OR2T33: variants seen among roughly 807,000 people sequenced by gnomAD.
The protein encoded by OR2T33 is olfactory receptor 2T33.
OR2T33 carries 10 observed loss-of-function variants against 14.0 expected under a neutral mutation model. That is an observed-to-expected ratio of 0.72 (90% CI 0.44 to 1.22). The LOEUF is 1.22. Among genes scored for constraint, OR2T33 ranks in the 50% most tolerant of loss-of-function variants. OR2T33 has a pLI of 0.00. For synonymous variants in OR2T33, 103 were observed against 159.4 expected (o/e 0.65, Z 2.66); for missense variants, 276 against 405.9 (o/e 0.68, Z 2.75).
chr1:248,273,371 G>A lies in OR2T33; in HGVS notation c.444C>T (p.Leu148=), dbSNP rs150467351. ...GCAGGAGCCCGTCAGCTGCACCCAG[G>A]AGCCAACACGACATGGTCATCCTCA... ...LCLRMTMSCW[L]LGAADGLLQA... The change falls in exon 2 of 2, where the codon CTC becomes CTT. Residue 148 remains leucine (L), a synonymous_variant. Transcript: ENST00000641220. The A allele has an allele frequency of 8.3e-5, 134 of 1,611,994 alleles. No individual in the cohort carries two copies. The highest frequency in any genetic ancestry group is 1.0e-4 in the Non-Finnish European group (123 of 1,179,822).
intron 1 of OR2T33, among the ~76,000 whole-genome samples, chr1:248,275,550 T>C (rs555819625): frequency 2.0e-5 from 3 of 152,342 alleles, no homozygotes; most frequent in Non-Finnish European, 4.4e-5. Flanking sequence ...CTTTTATTAA[T>C]GCAGAATGCA....
rs780788245 is a variant in OR2T33 at position 248,273,526 on chromosome 1, C to A, written c.289G>T (p.Val97Leu). ...SKAISRAGCG[V>L]QIFFLPTLGG... The stretch of plus-strand genomic sequence containing the variant: ...AGTGTGGGGAGGAAGAAGATCTGCA[C>A]ACCACAGCCAGCGCGGGAGATGGCC... Residue 97 changes from valine to leucine, a missense_variant, in exon 2 of 2, where the codon GTG (valine) becomes TTG (leucine). Val to Leu is a conservative substitution (Grantham distance 32). Transcript: ENST00000641220. The A allele has an allele frequency of 1.4e-5, 22 of 1,612,814 alleles. No individual in the cohort carries two copies. In the Admixed American group the frequency reaches 3.5e-4, roughly 26 times the overall value.
At chr1:248,273,862 G>T in intron 1 of OR2T33, 40 bp from the exon 2 acceptor site, 1 of 1,570,494 alleles carries the variant, frequency 6.4e-7, no homozygotes. Flanking sequence ...AGAAGGAAGA[G>T]GCTTTTATGG....
rs543795312 is a variant in OR2T33 at position 248,274,143 on chromosome 1, T to G, written c.-8-321A>C. Among the ~76,000 whole-genome samples the G allele has an allele frequency of 3.3e-5, 5 of 152,342 alleles. No individual in the cohort carries two copies. In the East Asian group the frequency reaches 9.6e-4, roughly 29 times the overall value. On this transcript the variant is annotated intron_variant, in intron 1 of 1. Coordinates refer to ENST00000641220, the MANE Select transcript of OR2T33 (RefSeq NM_001004695.2). ...TTTATATTACTCGTATTAATATTAT[T>G]GTGTTTTTGTTATGTATACTGATGG...
At chr1:248,276,599 C>T (rs1185722141) in intron 1 of OR2T33, among the ~76,000 whole-genome samples, 2 of 152,092 alleles carry the variant, frequency 1.3e-5, no homozygotes, top group Non-Finnish European at 2.9e-5. Flanking sequence ...ATTGAATTCT[C>T]TTCTCTACAG....
At chr1:248,274,667 G>C (rs1301151970) in intron 1 of OR2T33, among the ~76,000 whole-genome samples, 1 of 152,174 alleles carries the variant, frequency 6.6e-6, no homozygotes. Flanking sequence ...ATAAATGCTG[G>C]GGGAGAGTAG....
rs1390972847 is a variant in OR2T33 at position 248,272,732 on chromosome 1, A to T, written c.*120T>A. The T allele has an allele frequency of 1.5e-6, 2 of 1,314,564 alleles. No homozygotes were observed. The highest frequency in any genetic ancestry group is 4.7e-5 in the East Asian group (2 of 42,904). The allele number at this position is 1,314,564 out of a possible 1,614,324, so 81.4% of individuals were successfully genotyped here. ...TACAATTAGCTCACTTAATTCTTAA[A>T]AATATCCTATTATATCAATGCAAAA... On this transcript the variant is annotated 3_prime_UTR_variant, in exon 2 of 2. Coordinates refer to ENST00000641220, the MANE Select transcript of OR2T33 (RefSeq NM_001004695.2).
In OR2T33 at chr1:248,272,598, T is replaced by A. The variant is rs1312312122; in HGVS notation, c.*254A>T. 4.8e-6 allele frequency: 2 copies of A among 416,486 alleles called. No homozygotes were observed. Among genetic ancestry groups the A allele is most frequent in the East Asian group, 4.0e-5 (1 of 24,892 alleles). The allele number at this position is 416,486 out of a possible 1,614,324, so 25.8% of individuals were successfully genotyped here. On this transcript the variant is annotated 3_prime_UTR_variant, in exon 2 of 2. Transcript: ENST00000641220. The stretch of plus-strand genomic sequence containing the variant: ...ATTTCTTTTTTTAGAAAGTAGGAGA[T>A]ATTGTCAACAGTACTTATATCATGG...
In OR2T33 at chr1:248,273,692, G is replaced by C. The variant is rs761419325; in HGVS notation, c.123C>G (p.Ser41=). The C allele has an allele frequency of 6.2e-7, 1 of 1,613,838 alleles. No individual in the cohort carries two copies. The highest frequency in any genetic ancestry group is 1.7e-5 in the Admixed American group (1 of 60,000). Residue 41 remains serine, a synonymous_variant, in exon 2 of 2, where the codon TCC becomes TCG. Transcript: ENST00000641220. ...CCCAGTGAATCAGGAGAATCATGAGGGAATTGCCAAACAGGGAGGTCAAAA... is the reference window on the plus strand; with the variant it reads ...CCCAGTGAATCAGGAGAATCATGAGCGAATTGCCAAACAGGGAGGTCAAAA... The part of the protein sequence containing the change: ...SIVLTSLFGN[S]LMILLIHWDH...
At chr1:248,273,943 A>G (rs1659420723) in intron 1 of OR2T33, 121 bp from the exon 2 acceptor site, 1 of 1,292,038 alleles carries the variant, frequency 7.7e-7, no homozygotes, top group Non-Finnish European at 1.0e-6. Flanking sequence ...TAGTGATTCA[A>G]AGCCCTAACT....
Position 248,273,364 on chromosome 1 carries a change from C to T in OR2T33, c.451G>A (p.Ala151Thr), listed in dbSNP as rs754408140. 16 of 1,612,032 alleles carry T rather than the reference C, an allele frequency of 9.9e-6. No homozygotes were observed. In the African/African-American group the frequency reaches 1.6e-4, roughly 16 times the overall value. ...ACAGCCTGCAGGAGCCCGTCAGCTG[C>T]ACCCAGGAGCCAACACGACATGGTC... is the stretch of plus-strand genomic sequence containing the variant. ...RMTMSCWLLG[A>T]ADGLLQAVVT... The change falls in exon 2 of 2, where the codon GCA (alanine) becomes ACA (threonine). Residue 151 changes from alanine (A) to threonine (T), a missense_variant. Physicochemically the swap from Ala to Thr is moderately conservative, Grantham distance 58 (BLOSUM62 0). Transcript: ENST00000641220.
At chr1:248,276,161 A>C (rs558768796) in intron 1 of OR2T33, among the ~76,000 whole-genome samples, 1 of 152,224 alleles carries the variant, frequency 6.6e-6, no homozygotes, top group African/African-American at 2.4e-5. Flanking sequence ...TCACACTCTT[A>C]TGAGAACCTA....
At position 248,272,985 on chromosome 1, in the gene OR2T33, G is replaced by C. The variant is rs113045980; in HGVS notation, c.830C>G (p.Thr277Ser). The part of the protein sequence containing the change: ...NHDKVVSAFY[T>S]MFTPLLNPLI... Reference sequence around the variant, plus strand: ...GGGGTTTAGTAAAGGGGTGAACATAGTATAGAAGGCTGACACAACCTTGTC... The same window carrying C: ...GGGGTTTAGTAAAGGGGTGAACATACTATAGAAGGCTGACACAACCTTGTC... Residue 277 changes from threonine to serine, a missense_variant, in exon 2 of 2, where the codon ACT becomes AGT. By Grantham distance (58) the Thr-to-Ser change is moderately conservative. Coordinates refer to ENST00000641220, the MANE Select transcript of OR2T33 (RefSeq NM_001004695.2). The C allele has an allele frequency of 6.4e-4, 1,036 of 1,613,602 alleles. 4 individuals carry two copies. The African/African-American group carries it at 8.3e-3, about 13-fold the overall frequency.
In OR2T33 at chr1:248,272,011, A is replaced by T. The variant is rs1659378270; in HGVS notation, c.*841T>A. 1 of 152,186 alleles carries T rather than the reference A, an allele frequency of 6.6e-6. No homozygotes were observed. The allele number at this position is 152,186 out of a possible 1,614,324, so 9.4% of individuals were successfully genotyped here. A position where few individuals can be genotyped will look rare whatever the true frequency, so the allele number is the denominator to read the frequency against. ...CTTGGCAGAAGTAAGGTGGTGACAC[A>T]ATAATGTATAAGGTTGTTGAGTGTT... On this transcript the variant is annotated 3_prime_UTR_variant, in exon 2 of 2. Coordinates refer to ENST00000641220, the MANE Select transcript of OR2T33 (RefSeq NM_001004695.2).
In OR2T33 at chr1:248,272,501, A is replaced by G. The variant is rs1659384588; in HGVS notation, c.*351T>C. ...ATAAACTATTCCAGGTTAAGGAACAAGCTCTGGAGTCACTTCTTATTATTT... is the reference window on the plus strand; with the variant it reads ...ATAAACTATTCCAGGTTAAGGAACAGGCTCTGGAGTCACTTCTTATTATTT... On this transcript the variant is annotated 3_prime_UTR_variant, in exon 2 of 2. Transcript: ENST00000641220. 9.4e-6 allele frequency: 2 copies of G among 213,698 alleles called. No individual in the cohort carries two copies. The highest frequency in any genetic ancestry group is 1.9e-5 in the Non-Finnish European group (2 of 107,102). The allele number at this position is 213,698 out of a possible 1,614,324, so 13.2% of individuals were successfully genotyped here. A position where few individuals can be genotyped will look rare whatever the true frequency, so the allele number is the denominator to read the frequency against.
In OR2T33 at chr1:248,272,845, C is replaced by T. The variant is rs770701043; in HGVS notation, c.*7G>A. On this transcript the variant is annotated 3_prime_UTR_variant, in exon 2 of 2. Coordinates refer to ENST00000641220, the MANE Select transcript of OR2T33 (RefSeq NM_001004695.2). ...AATTCAGGAACTTAGACTCATTTGA[C>T]ATTAGATCATCTTGACCTGTGGGCC... 1 of 1,603,764 alleles carries T rather than the reference C, an allele frequency of 6.2e-7. No homozygotes were observed. Among genetic ancestry groups the T allele is most frequent in the South Asian group, 1.1e-5 (1 of 89,800 alleles).
At chr1:248,273,896 A>G in intron 1 of OR2T33, 74 bp from the exon 2 acceptor site, 1 of 1,541,814 alleles carries the variant, frequency 6.5e-7, no homozygotes, top group South Asian at 1.3e-5. Context: ...TTGACTGCAC[A>G]GTTTCCGGAC....
intron 1 of OR2T33, among the ~76,000 whole-genome samples, chr1:248,275,362 G>A (rs576195490): frequency 5.9e-5 from 9 of 152,298 alleles, no homozygotes; most frequent in Admixed American, 5.9e-4. Flanking sequence ...GACACTACAT[G>A]TGCCAAGCCT....
Position 248,275,616 on chromosome 1 carries a change from T to C in OR2T33, c.-8-1794A>G, listed in dbSNP as rs377239170. 7.9e-5 allele frequency among the ~76,000 whole-genome samples: 12 copies of C among 152,216 alleles called. No individual in the cohort carries two copies. In the East Asian group the frequency reaches 2.1e-3, roughly 27 times the overall value. On this transcript the variant is annotated intron_variant, in intron 1 of 1. Coordinates refer to ENST00000641220, the MANE Select transcript of OR2T33 (RefSeq NM_001004695.2). ...AAAGTCCTTGTTTAAAAATCACTGT[T>C]GTCCAAACCACCATCGCGCGTGTAT...
Sources: gnomAD v4.1 joint callset for allele counts (sites outside exome capture counted in the v4.1 genomes callset) on GRCh38, gnomAD v4.1.1 for gene constraint, MANE v1.5 for transcripts, NCBI Gene and HGNC (gene_info 2026-07-23, HGNC 2026-07-21) for gene names.